The following TUBA3E variants were observed in gnomAD, a reference collection of about 807,000 sequenced individuals.
TUBA3E encodes the protein tubulin alpha-3E chain.
TUBA3E carries 21 observed loss-of-function variants against 36.7 expected under a neutral mutation model. The observed-to-expected ratio is 0.57, with a 90% CI of 0.41 to 0.83. The LOEUF (loss-of-function observed/expected upper bound fraction) is 0.83, where lower values mean the gene tolerates loss of function less well. TUBA3E is among the 40% of genes least tolerant of loss of function. The probability of loss-of-function intolerance (pLI) is 0.00; values close to 1 mark genes in which losing one functional copy is unlikely to be tolerated. For missense variants in TUBA3E, 469 were observed against 604.2 expected, an observed-to-expected ratio of 0.78 and a Z score of 2.35; for synonymous variants, 177 against 241.9, an observed-to-expected ratio of 0.73 and a Z score of 2.49.
rs554687268 is a variant in TUBA3E, at chr2:130,197,416, G to A, written c.3+942C>T. Among the ~76,000 whole-genome samples, 4 of 113,774 alleles carry A rather than the reference G, an allele frequency of 3.5e-5. 1 individual carries two copies. In the South Asian group the frequency reaches 1.2e-3, roughly 35 times the overall value. The allele number at this position is 113,774 out of a possible 152,430, so 74.6% of individuals were successfully genotyped here. A position where few individuals can be genotyped will look rare whatever the true frequency, so the allele number is the denominator to read the frequency against. On this transcript the variant is annotated intron_variant, in intron 1 of 4. Coordinates refer to ENST00000312988, the MANE Select transcript of TUBA3E (RefSeq NM_207312.3). ...GCGGGAGGACTGCTGGAAGCCAGGG[G>A]TTCAAGGCTGCAGGGAGCCGTGATC... is the stretch of plus-strand genomic sequence containing the variant.
intron 4 of TUBA3E, among the ~76,000 whole-genome samples, chr2:130,193,479 G>A (rs1690320189): frequency 6.6e-6 from 1 of 150,982 alleles, no homozygotes; most frequent in Admixed American, 6.6e-5. Flanking sequence ...CATGGTGGCA[G>A]GTACCTGTAA....
At chr2:130,192,771 T>C (rs1299479993) in intron 4 of TUBA3E, among the ~76,000 whole-genome samples, 1 of 152,164 alleles carries the variant, frequency 6.6e-6, no homozygotes, top group Non-Finnish European at 1.5e-5. Context: ...CAGGGTCAAC[T>C]AGAGCAGGGA....
At position 130,195,044 on chromosome 2, in the gene TUBA3E, C is replaced by T. The variant is rs112151923; in HGVS notation, c.375+35G>A. On this transcript the variant is annotated intron_variant, in intron 3 of 4. Coordinates refer to ENST00000312988, the MANE Select transcript of TUBA3E (RefSeq NM_207312.3). ...CATTCCAAGAACTACCCCTCCCATG[C>T]AAGACAATGGCCACATGAAACCTTC... The T allele has an allele frequency of 2.1e-4, 343 of 1,609,540 alleles. No homozygotes were observed. In the East Asian group the frequency reaches 4.7e-3, roughly 22 times the overall value.
chr2:130,193,990 C>A lies in TUBA3E; in HGVS notation c.852G>T (p.Glu284Asp), dbSNP rs1326181614. Reference protein sequence around the residue: ...PVISAEKAYHEQLSVAEITNA... With the variant: ...PVISAEKAYHDQLSVAEITNA... ...TGGTGATCTCGGCCACAGACAGCTGCTCGTGGTAGGCCTTCTCAGCTGAGA... is the reference window on the plus strand; with the variant it reads ...TGGTGATCTCGGCCACAGACAGCTGATCGTGGTAGGCCTTCTCAGCTGAGA... The change falls in exon 4 of 5, where the codon GAG becomes GAT. Residue 284 changes from glutamate (E) to aspartate (D), a missense_variant. This residue lies in a region of TUBA3E where 296 missense variants were observed against 346.9 expected (regional missense o/e 0.85). Transcript: ENST00000312988. 1 of 1,614,036 alleles carries A rather than the reference C, an allele frequency of 6.2e-7. No homozygotes were observed. Among genetic ancestry groups the A allele is most frequent in the Non-Finnish European group, 8.5e-7 (1 of 1,180,016 alleles).
chr2:130,193,638 C>T (rs1690325484), intron 4 of TUBA3E, 148 bp downstream of exon 4: 1 of 729,014 alleles, frequency 1.4e-6, no homozygotes, highest in African/African-American at 1.8e-5. Context: ...ATCACTGAAT[C>T]AATTATCAAC....
chr2:130,194,969 C>T (rs577781287), intron 3 of TUBA3E, 110 bp downstream of exon 3: 7 of 1,547,022 alleles, frequency 4.5e-6, no homozygotes, highest in Non-Finnish European at 6.1e-6. Context: ...TGAGCCACCG[C>T]GCCCGGCCAA....
chr2:130,193,606 C>CAAA (rs34918027), intron 4 of TUBA3E, among the ~76,000 whole-genome samples, 180 bp downstream of exon 4: 2 of 95,060 alleles, frequency 2.1e-5, no homozygotes, highest in African/African-American at 4.0e-5. Flanking sequence ...AAGACTGTCT[C>CAAA]AAAAAAAAAA....
chr2:130,192,725 G>C (rs149297687), intron 4 of TUBA3E, among the ~76,000 whole-genome samples: 5 of 152,158 alleles, frequency 3.3e-5, no homozygotes, highest in Non-Finnish European at 7.3e-5. Context: ...TTCAGAACTC[G>C]GTAATAACAT....
Position 130,192,002 on chromosome 2 carries a change from C to T in TUBA3E, c.1182G>A (p.Lys394=). 6.2e-7 allele frequency: 1 copy of T among 1,614,144 alleles called. No homozygotes were observed. The highest frequency in any genetic ancestry group is 1.1e-5 in the South Asian group (1 of 91,082). The part of the protein sequence containing the change: ...IAEAWARLVH[K]FDLMYAKWAF... Reference sequence around the variant, plus strand: ...CCCACTTGGCATACATGAGATCGAACTTATGGACCAGGCGGGCCCAGGCCT... The same window carrying T: ...CCCACTTGGCATACATGAGATCGAATTTATGGACCAGGCGGGCCCAGGCCT... Residue 394 remains lysine (K), a synonymous_variant, in exon 5 of 5, where the codon AAG becomes AAA. Transcript: ENST00000312988.
At chr2:130,196,060 G>A (rs1690394627) in intron 2 of TUBA3E, 89 bp downstream of exon 2, 2 of 1,315,718 alleles carry the variant, frequency 1.5e-6, no homozygotes, top group African/African-American at 3.0e-5. Context: ...CATCCTTTCA[G>A]CAGGAGGATT....
At position 130,192,051 on chromosome 2, in the gene TUBA3E, A is replaced by G; in HGVS notation, c.1133T>C (p.Leu378Pro). The G allele has an allele frequency of 5.0e-6, 8 of 1,614,112 alleles. No homozygotes were observed. Among genetic ancestry groups the G allele is most frequent in the Non-Finnish European group, 5.9e-6 (7 of 1,179,986 alleles). ...CTCCGCAATGGCCGTGGTGTTGCTC[A>G]GCATGCACACGGCCCGCTGCACCTT... is the stretch of plus-strand genomic sequence containing the variant. ...LAKVQRAVCM[L>P]SNTTAIAEAW... Residue 378 changes from leucine to proline, a missense_variant, in exon 5 of 5, where the codon CTG becomes CCG. Leu to Pro is a moderately conservative substitution (Grantham distance 98). Around this residue, in one of 3 missense-constraint regions of TUBA3E, gnomAD observed 296 missense variants for 346.9 expected, o/e 0.85. Transcript: ENST00000312988.
rs1339196764 is a variant in TUBA3E, at chr2:130,197,781, A to AT, written c.3+576dup. 3.0e-4 allele frequency among the ~76,000 whole-genome samples: 37 copies of AT among 122,860 alleles called. 7 individuals carry two copies. The East Asian group carries it at 4.3e-3, about 14-fold the overall frequency. 80.6% of individuals were successfully genotyped at this position (122,860 alleles called of 152,430 possible). On this transcript the variant is annotated intron_variant, in intron 1 of 4. Coordinates refer to ENST00000312988, the MANE Select transcript of TUBA3E (RefSeq NM_207312.3). ...ATCACCATGCCCGGGTAATTTTAGT[A>AT]TTTTTTTGTAGAGACTGGGTTTCGC...
chr2:130,194,941 G>C (rs1450690701), intron 3 of TUBA3E, 138 bp downstream of exon 3: 1 of 1,490,136 alleles, frequency 6.7e-7, no homozygotes, highest in African/African-American at 1.4e-5. Flanking sequence ...GCCTCTCAAA[G>C]TGCTGGGATT....
chr2:130,194,592 T>A (rs2104751681), intron 3 of TUBA3E, 126 bp from the exon 4 acceptor site: 1 of 1,223,650 alleles, frequency 8.2e-7, no homozygotes, highest in African/African-American at 1.5e-5. Context: ...ATAATAAACA[T>A]GCAATACACT....
chr2:130,196,332 G>A lies in TUBA3E; in HGVS notation c.43C>T (p.Gln15Ter). The A allele has an allele frequency of 6.2e-7, 1 of 1,613,990 alleles. No individual in the cohort carries two copies. Among genetic ancestry groups the A allele is most frequent in the Non-Finnish European group, 8.5e-7 (1 of 1,179,904 alleles). ...ISIHVGQAGV[Q>*]IGNACWELYC... ...AGTTCCCAGCAGGCATTGCCGATCT[G>A]GACACCCGCCTGCCCCACGTGGATA... The change falls in exon 2 of 5, where the codon CAG becomes TAG. Residue 15 changes from glutamine (Q) to a stop codon, truncating the protein, a stop_gained. Transcript: ENST00000312988. LOFTEE classifies it high-confidence loss of function.
chr2:130,194,655 T>C (rs1214854187), intron 3 of TUBA3E, among the ~76,000 whole-genome samples, 189 bp from the exon 4 acceptor site: 3 of 152,220 alleles, frequency 2.0e-5, no homozygotes, highest in African/African-American at 7.2e-5. Flanking sequence ...GCAGACTCAG[T>C]AGGACTCAAG....
At chr2:130,196,641 T>G (rs1185607720) in intron 1 of TUBA3E, among the ~76,000 whole-genome samples, 10 of 152,154 alleles carry the variant, frequency 6.6e-5, no homozygotes, top group Non-Finnish European at 1.3e-4. Flanking sequence ...TGGAAGCCAT[T>G]TAATGTCAAT....
At chr2:130,196,457 T>C in intron 1 of TUBA3E, 86 bp from the exon 2 acceptor site, 1 of 1,525,266 alleles carries the variant, frequency 6.6e-7, no homozygotes, top group Non-Finnish European at 8.8e-7. Flanking sequence ...ATTTAATATT[T>C]ATATAGTGCT....
At chr2:130,197,705 C>T (rs1690446791) in intron 1 of TUBA3E, among the ~76,000 whole-genome samples, 1 of 123,794 alleles carries the variant, frequency 8.1e-6, no homozygotes, top group African/African-American at 2.8e-5. Context: ...GTTCCAGGCT[C>T]GGCTGATCCT....
Sources: allele counts gnomAD v4.1 joint callset (sites outside exome capture counted in the v4.1 genomes callset), GRCh38; gene constraint gnomAD v4.1.1; regional missense constraint gnomAD v4.1.1; transcripts MANE v1.5; gene names NCBI Gene and HGNC (gene_info 2026-07-23, HGNC 2026-07-21).